PHC2: variants seen among roughly 807,000 people sequenced by gnomAD.
The protein encoded by PHC2 is polyhomeotic-like protein 2.
PHC2 carries 29 observed loss-of-function variants against 87.4 expected under a neutral mutation model. The observed-to-expected ratio is 0.33, with a 90% CI of 0.25 to 0.45. PHC2 has a LOEUF of 0.45. Among genes scored for constraint, PHC2 ranks in the 20% least tolerant of loss-of-function variants. The pLI, the probability that PHC2 is intolerant of heterozygous loss-of-function variation, is 1.00. For synonymous variants in PHC2, 438 were observed against 461.7 expected (o/e 0.95, Z 0.66); for missense variants, 857 against 1,136.7 (o/e 0.75, Z 3.54).
intron 1 of PHC2, among the ~76,000 whole-genome samples, chr1:33,376,552 C>A (rs1570498533): frequency 6.6e-6 from 1 of 152,218 alleles, no homozygotes; most frequent in African/African-American, 2.4e-5. Context: ...GCCTTTTCAT[C>A]GTTGGGGTGG....
chr1:33,343,219 T>C (rs994867576), intron 9 of PHC2, among the ~76,000 whole-genome samples: 7 of 151,816 alleles, frequency 4.6e-5, no homozygotes, highest in African/African-American at 1.7e-4. Context: ...TCCTAGCACT[T>C]TGGGAGGCTG....
At chr1:33,343,135 T>C (rs1187543766) in intron 9 of PHC2, among the ~76,000 whole-genome samples, 1 of 152,152 alleles carries the variant, frequency 6.6e-6, no homozygotes, top group Middle Eastern at 3.2e-3. Context: ...ACGCAGAAGC[T>C]GTGCTACATG....
intron 1 of PHC2, among the ~76,000 whole-genome samples, chr1:33,405,380 G>A (rs372052150): frequency 2.6e-5 from 4 of 151,838 alleles, no homozygotes; most frequent in Non-Finnish European, 5.9e-5. Context: ...TAGTAGAGAC[G>A]GGGTTTCGTC....
intron 1 of PHC2, among the ~76,000 whole-genome samples, chr1:33,424,097 C>CAAAAAAAAAAAAAAAA (rs11322060): frequency 9.2e-6 from 1 of 108,734 alleles, no homozygotes; most frequent in Non-Finnish European, 1.9e-5. Context: ...GACTCCGTCT[C>CAAAAAAAAAAAAAAAA]AAAAAAAAAA....
chr1:33,341,134 TG>T (rs1275499124), intron 9 of PHC2, among the ~76,000 whole-genome samples: 9 of 152,242 alleles, frequency 5.9e-5, no homozygotes, highest in Non-Finnish European at 2.9e-5. Flanking sequence ...ACTCTAGGCC[TG>T]TTTCCTCATC....
At chr1:33,348,081 CTG>C (rs1646879360) in intron 9 of PHC2, among the ~76,000 whole-genome samples, 1 of 152,246 alleles carries the variant, frequency 6.6e-6, no homozygotes, top group Non-Finnish European at 1.5e-5. Context: ...TTAAATCTAA[CTG>C]AATGAAACCA....
intron 14 of PHC2, among the ~76,000 whole-genome samples, chr1:33,327,901 C>T (rs745625922): frequency 2.4e-4 from 37 of 152,220 alleles, no homozygotes; most frequent in Non-Finnish European, 4.6e-4. Flanking sequence ...TGAGGCAGAA[C>T]GGCCCAGGAA....
In PHC2 at chr1:33,365,560, G is replaced by T. The variant is rs148889844; in HGVS notation, c.976+1556C>A. On this transcript the variant is annotated intron_variant, in intron 7 of 14. Coordinates refer to ENST00000683057, the MANE Select transcript of PHC2 (RefSeq NM_001385109.1). ...AGCTGTAGTCCAAGCTGCTTTCAAC[G>T]CATTGAAAGAGCCCCCAGTCTACCC... Among the ~76,000 whole-genome samples the T allele has an allele frequency of 3.1e-3, 476 of 152,194 alleles. 1 individual carries two copies. Among genetic ancestry groups the T allele is most frequent in the African/African-American group, 0.011 (464 of 41,530 alleles).
At chr1:33,365,383 TG>T (rs1435461762) in intron 7 of PHC2, among the ~76,000 whole-genome samples, 7 of 152,126 alleles carry the variant, frequency 4.6e-5, no homozygotes, top group Non-Finnish European at 8.8e-5. Flanking sequence ...TTTTGAACAG[TG>T]TTAGAACTTG....
rs1646534687 is a variant in PHC2 at position 33,332,897 on chromosome 1, A to T, written c.1762-493T>A. ...GGCCGCCACAGAGTATAGCAGGAAA[A>T]AACAGACCCTGGGCCACAGAGCCAA... On this transcript the variant is annotated intron_variant, in intron 10 of 14. Transcript: ENST00000683057. This position sits in a 1 kb window ranked among gnomAD's most constrained non-coding sequence, Gnocchi z 4.2. Among the ~76,000 whole-genome samples, 2 of 152,164 alleles carry T rather than the reference A, an allele frequency of 1.3e-5. No homozygotes were observed. The highest frequency in any genetic ancestry group is 2.9e-5 in the Non-Finnish European group (2 of 68,018).
chr1:33,336,099 C>T (rs913630724), intron 9 of PHC2, among the ~76,000 whole-genome samples: 12 of 151,724 alleles, frequency 7.9e-5, no homozygotes, highest in Non-Finnish European at 1.8e-4. Flanking sequence ...AGCGATTCTC[C>T]TGCCTTGGCC....
chr1:33,415,030 G>A (rs1650146904), intron 1 of PHC2, among the ~76,000 whole-genome samples: 1 of 152,174 alleles, frequency 6.6e-6, no homozygotes, highest in Admixed American at 6.5e-5. Flanking sequence ...GCTAAGAAAA[G>A]GGACACAAAG....
At chr1:33,428,955 C>A (rs983384483) in intron 1 of PHC2, among the ~76,000 whole-genome samples, 1 of 152,252 alleles carries the variant, frequency 6.6e-6, no homozygotes, top group African/African-American at 2.4e-5. Flanking sequence ...TGACCCATCT[C>A]ACACTCCAAT....
intron 1 of PHC2, among the ~76,000 whole-genome samples, chr1:33,400,820 T>C (rs536080578): frequency 2.0e-5 from 3 of 152,316 alleles, no homozygotes; most frequent in East Asian, 3.9e-4. Context: ...ATCTCTGAGA[T>C]ATATTATTAA....
At chr1:33,401,344 A>G (rs1649521489) in intron 1 of PHC2, among the ~76,000 whole-genome samples, 1 of 152,208 alleles carries the variant, frequency 6.6e-6, no homozygotes, top group African/African-American at 2.4e-5. Context: ...AAGAGGCTTT[A>G]TAAGTTAATT....
chr1:33,359,253 A>G (rs895327941), intron 7 of PHC2, among the ~76,000 whole-genome samples: 1 of 152,194 alleles, frequency 6.6e-6, no homozygotes, highest in Non-Finnish European at 1.5e-5. Flanking sequence ...TTATCCTACA[A>G]GACTTGTTCT....
At chr1:33,348,474 A>T (rs921123155) in intron 9 of PHC2, among the ~76,000 whole-genome samples, 1 of 152,252 alleles carries the variant, frequency 6.6e-6, no homozygotes, top group Non-Finnish European at 1.5e-5. Context: ...AATGGCTGGA[A>T]AAGGCCAGGT....
At chr1:33,424,011 G>A (rs374580475) in intron 1 of PHC2, among the ~76,000 whole-genome samples, 56 of 103,952 alleles carry the variant, frequency 5.4e-4, no homozygotes, top group East Asian at 2.8e-3. Context: ...CAGGAGAATC[G>A]CTTGAACCTG....
At position 33,355,154 on chromosome 1, in the gene PHC2, T is replaced by C. The variant is rs1570477243; in HGVS notation, c.1076A>G (p.Gln359Arg). The C allele has an allele frequency of 4.4e-6, 7 of 1,608,856 alleles. No individual in the cohort carries two copies. The highest frequency in any genetic ancestry group is 5.9e-6 in the Non-Finnish European group (7 of 1,178,876). ...VIQQQPQPQQ[Q>R]QPPPQQSRPV... is the part of the protein sequence containing the mutation. The stretch of plus-strand genomic sequence containing the variant: ...CCGTGACTGCTGGGGCGGCGGCTGC[T>C]GCTGTTGTGGCTGTGGCTGCTGCTG... Residue 359 changes from glutamine to arginine, a missense_variant, in exon 8 of 15, where the codon CAG (glutamine) becomes CGG (arginine). Physicochemically the swap from Gln to Arg is conservative, Grantham distance 43. Around this residue, in one of 3 missense-constraint regions of PHC2, gnomAD observed 832 missense variants for 1,081.8 expected, o/e 0.77. Transcript: ENST00000683057.
Sources: allele counts gnomAD v4.1 joint callset (sites outside exome capture counted in the v4.1 genomes callset), GRCh38; gene constraint gnomAD v4.1.1; regional missense constraint gnomAD v4.1.1; non-coding constraint Gnocchi (gnomAD v3.1); transcripts MANE v1.5; gene names NCBI Gene and HGNC (gene_info 2026-07-23, HGNC 2026-07-21).